The following MGMT variants were observed in gnomAD, a reference collection of about 807,000 sequenced individuals.
The protein encoded by MGMT is O-6-methylguanine-DNA methyltransferase.
A neutral mutation model predicts 15.9 loss-of-function variants in MGMT; 14 were observed. The ratio of observed to expected loss-of-function variants is 0.88; its 90% CI spans 0.58 to 1.37. The LOEUF (loss-of-function observed/expected upper bound fraction) is 1.37. MGMT is among the 40% of genes most tolerant of loss of function. The pLI, the probability that MGMT is intolerant of heterozygous loss-of-function variation, is 0.00. For missense variants in MGMT, 282 were observed against 268.1 expected (o/e 1.05, Z -0.36); for synonymous variants, 130 against 118.2 (o/e 1.10, Z -0.65).
At chr10:129,688,581 C>G (rs1847936295) in intron 2 of MGMT, among the ~76,000 whole-genome samples, 1 of 151,944 alleles carries the variant, frequency 6.6e-6, no homozygotes. Context: ...CTTTGTAGAT[C>G]CTGGATATTA....
chr10:129,581,068 T>G (rs534728709), intron 2 of MGMT, among the ~76,000 whole-genome samples: 4 of 152,324 alleles, frequency 2.6e-5, no homozygotes, highest in African/African-American at 9.6e-5. Flanking sequence ...GAGGAAATAA[T>G]GATGCTACTT....
At chr10:129,643,371 A>G (rs1404131350) in intron 2 of MGMT, among the ~76,000 whole-genome samples, 1 of 152,320 alleles carries the variant, frequency 6.6e-6, no homozygotes, top group African/African-American at 2.4e-5. Context: ...TTTGAGTTGC[A>G]GTGGTTTTGA....
chr10:129,499,395 G>A (rs1250649121), intron 1 of MGMT, among the ~76,000 whole-genome samples: 2 of 152,342 alleles, frequency 1.3e-5, no homozygotes, highest in East Asian at 3.9e-4. Context: ...GGATATGCCA[G>A]CTAATTAGCT....
At chr10:129,515,291 G>A (rs1236313968) in intron 1 of MGMT, among the ~76,000 whole-genome samples, 1 of 152,190 alleles carries the variant, frequency 6.6e-6, no homozygotes, top group East Asian at 1.9e-4. Context: ...CTGCGGCCCT[G>A]GGAGCCCACA....
chr10:129,631,962 C>T (rs1240121571), intron 2 of MGMT, among the ~76,000 whole-genome samples: 1 of 152,128 alleles, frequency 6.6e-6, no homozygotes, highest in East Asian at 1.9e-4. Flanking sequence ...GTCTTGAACT[C>T]CTGGGCTGTA....
At chr10:129,491,655 G>T (rs1656762986) in intron 1 of MGMT, among the ~76,000 whole-genome samples, 1 of 151,970 alleles carries the variant, frequency 6.6e-6, no homozygotes, top group African/African-American at 2.4e-5. Context: ...ACCACAGTTT[G>T]GATATTTTCT....
intron 2 of MGMT, among the ~76,000 whole-genome samples, chr10:129,687,114 C>A (rs772728327): frequency 5.9e-4 from 90 of 152,282 alleles, no homozygotes; most frequent in Non-Finnish European, 1.1e-3. Flanking sequence ...TGTGCTGAAC[C>A]AAGGGGTAAG....
At chr10:129,523,091 C>T (rs950103410) in intron 1 of MGMT, among the ~76,000 whole-genome samples, 1 of 152,272 alleles carries the variant, frequency 6.6e-6, no homozygotes, top group African/African-American at 2.4e-5. Flanking sequence ...CTCTTTACTC[C>T]TCATGACAGA....
At chr10:129,602,420 C>G (rs1435379169) in intron 2 of MGMT, among the ~76,000 whole-genome samples, 1 of 152,138 alleles carries the variant, frequency 6.6e-6, no homozygotes, top group Non-Finnish European at 1.5e-5. Flanking sequence ...CAGAGATGCG[C>G]TTAAAGATAA....
intron 2 of MGMT, among the ~76,000 whole-genome samples, chr10:129,553,537 G>T (rs900274145): frequency 1.3e-5 from 2 of 152,196 alleles, no homozygotes; most frequent in African/African-American, 4.8e-5. Flanking sequence ...TTCAACAAAG[G>T]AATGAATTAA....
At chr10:129,578,904 G>C (rs911084140) in intron 2 of MGMT, among the ~76,000 whole-genome samples, 4 of 152,074 alleles carry the variant, frequency 2.6e-5, no homozygotes, top group Admixed American at 1.3e-4. Context: ...CTCCTAATGG[G>C]ATAATACTTA....
intron 2 of MGMT, among the ~76,000 whole-genome samples, chr10:129,614,668 C>T (rs995769888): frequency 2.0e-5 from 3 of 151,970 alleles, no homozygotes; most frequent in African/African-American, 7.3e-5. Context: ...CTCTTGACCT[C>T]GATGTTGCCC....
At chr10:129,633,551 T>C (rs972904828) in intron 2 of MGMT, among the ~76,000 whole-genome samples, 1 of 152,248 alleles carries the variant, frequency 6.6e-6, no homozygotes, top group African/African-American at 2.4e-5. Context: ...GTTATATTAC[T>C]TTTTAAAACT....
At chr10:129,484,342 A>AACGTT (rs1247606602) in intron 1 of MGMT, among the ~76,000 whole-genome samples, 1 of 152,110 alleles carries the variant, frequency 6.6e-6, no homozygotes, top group African/African-American at 2.4e-5. Context: ...TAGTTTAAAA[A>AACGTT]ACGTTATTTT....
chr10:129,648,558 T>G (rs1847422023), intron 2 of MGMT, among the ~76,000 whole-genome samples: 1 of 152,242 alleles, frequency 6.6e-6, no homozygotes, highest in Admixed American at 6.5e-5. Context: ...ATAACAAATA[T>G]GCAAGGAAGA....
At chr10:129,580,871 A>C (rs576983898) in intron 2 of MGMT, among the ~76,000 whole-genome samples, 1 of 152,298 alleles carries the variant, frequency 6.6e-6, no homozygotes, top group Non-Finnish European at 1.5e-5. Flanking sequence ...GGGCTGCCTT[A>C]CCCTTAGAAG....
chr10:129,571,475 G>C (rs1846418692), intron 2 of MGMT, among the ~76,000 whole-genome samples: 1 of 152,210 alleles, frequency 6.6e-6, no homozygotes, highest in Non-Finnish European at 1.5e-5. Flanking sequence ...TATGGCTGCT[G>C]TTTGAAGTAT....
intron 2 of MGMT, among the ~76,000 whole-genome samples, chr10:129,653,979 A>G (rs919474858): frequency 6.6e-6 from 1 of 151,570 alleles, no homozygotes; most frequent in Non-Finnish European, 1.5e-5. Flanking sequence ...GCCCTCAGAG[A>G]CCCCTGCTTG....
intron 2 of MGMT, among the ~76,000 whole-genome samples, chr10:129,655,839 A>G (rs1393696347): frequency 6.6e-6 from 1 of 152,196 alleles, no homozygotes; most frequent in African/African-American, 2.4e-5. Flanking sequence ...CACACAGCGC[A>G]TGTGTTTCTG....
Sources: allele counts gnomAD v4.1 joint callset (sites outside exome capture counted in the v4.1 genomes callset), GRCh38; gene constraint gnomAD v4.1.1; transcripts MANE v1.5; gene names NCBI Gene and HGNC (gene_info 2026-07-23, HGNC 2026-07-21).